The following EPS15L1 variants were observed in gnomAD, a reference collection of about 807,000 sequenced individuals.
The protein encoded by EPS15L1 is epidermal growth factor receptor pathway substrate 15 like 1.
In EPS15L1, 43 loss-of-function variants were observed where a neutral mutation model predicts 117.1. The observed-to-expected ratio is 0.37, with a 90% confidence interval of 0.29 to 0.47. EPS15L1 has a LOEUF of 0.47. Ranked by LOEUF, EPS15L1 falls within the 20% of genes least tolerant of loss-of-function variation. EPS15L1 has a pLI of 0.99. For missense variants in EPS15L1, 981 were observed against 1,164.0 expected (o/e 0.84, Z 2.29); for synonymous variants, 459 against 470.5 (o/e 0.98, Z 0.32).
intron 22 of EPS15L1, among the ~76,000 whole-genome samples, chr19:16,362,912 C>T (rs1181368346): frequency 6.6e-6 from 1 of 152,174 alleles, no homozygotes; most frequent in Admixed American, 6.5e-5. Context: ...CAGGGAACTC[C>T]AGGATGCCCG....
At chr19:16,430,906 C>A (rs536417595) in intron 7 of EPS15L1, among the ~76,000 whole-genome samples, 1 of 152,136 alleles carries the variant, frequency 6.6e-6, no homozygotes, top group Non-Finnish European at 1.5e-5. Context: ...CATAGGGATG[C>A]GGAGGGACAT....
chr19:16,414,943 C>G (rs1427525946), intron 12 of EPS15L1, among the ~76,000 whole-genome samples: 1 of 152,064 alleles, frequency 6.6e-6, no homozygotes, highest in Admixed American at 6.5e-5. Context: ...CTGGGCTCAA[C>G]CGATCCTCTT....
Position 16,374,733 on chromosome 19 carries a change from A to G in EPS15L1, c.2380+2389T>C, listed in dbSNP as rs375514446. On this transcript the variant is annotated intron_variant, in intron 22 of 23. Transcript: ENST00000455140. ...CTGTTGAGTGGGATGGCTCCTCCTC[A>G]GGGCCCAGCAAATACGGCACTGCTC... Among the ~76,000 whole-genome samples the G allele has an allele frequency of 3.6e-4, 55 of 152,192 alleles. 1 individual carries two copies. Among genetic ancestry groups the G allele is most frequent in the African/African-American group, 1.3e-3 (52 of 41,442 alleles).
chr19:16,427,053 C>T (rs2092879451), intron 8 of EPS15L1, among the ~76,000 whole-genome samples: 1 of 151,946 alleles, frequency 6.6e-6, no homozygotes, highest in African/African-American at 2.4e-5. Flanking sequence ...AGGAAAACTT[C>T]GTGCAGCAGT....
intron 9 of EPS15L1, among the ~76,000 whole-genome samples, chr19:16,424,722 G>A (rs536535622): frequency 1.7e-4 from 26 of 151,966 alleles, no homozygotes; most frequent in Middle Eastern, 6.8e-3. Context: ...GTGCAGTGGC[G>A]CGCTCTCAGC....
Position 16,404,461 on chromosome 19 carries a change from T to G in EPS15L1, c.1428+127A>C, listed in dbSNP as rs951748361. 7 of 1,076,244 alleles carry G rather than the reference T, an allele frequency of 6.5e-6. No homozygotes were observed. The highest frequency in any genetic ancestry group is 9.3e-6 in the Non-Finnish European group (7 of 751,312). 66.7% of individuals were successfully genotyped at this position (1,076,244 alleles called of 1,614,324 possible). A position where few individuals can be genotyped will look rare whatever the true frequency, so the allele number is the denominator to read the frequency against. On this transcript the variant is annotated intron_variant, in intron 14 of 23. Transcript: ENST00000455140. This position sits in a 1 kb window ranked among gnomAD's most constrained non-coding sequence, Gnocchi z 4.2. Reference sequence around the variant, plus strand: ...CTTGGACACTTTTCCACGTGGTGTTTGGAGGAACTCTATTGACCCAGTAGG... The same window carrying G: ...CTTGGACACTTTTCCACGTGGTGTTGGGAGGAACTCTATTGACCCAGTAGG...
At chr19:16,438,173 C>T (rs914672354) in intron 4 of EPS15L1, among the ~76,000 whole-genome samples, 7 of 151,944 alleles carry the variant, frequency 4.6e-5, no homozygotes, top group South Asian at 2.1e-4. Flanking sequence ...GCCAACATGG[C>T]GAAACCTCAT....
At chr19:16,409,947 A>T (rs1487190949) in intron 13 of EPS15L1, among the ~76,000 whole-genome samples, 1 of 150,568 alleles carries the variant, frequency 6.6e-6, no homozygotes, top group Non-Finnish European at 1.5e-5. Context: ...CAAAAAAAAA[A>T]AAAAAAAAAA....
chr19:16,369,246 A>G (rs1251733800), intron 22 of EPS15L1, among the ~76,000 whole-genome samples: 1 of 152,142 alleles, frequency 6.6e-6, no homozygotes, highest in East Asian at 1.9e-4. Flanking sequence ...AAGCTGTGTC[A>G]AGCAGCACAG....
At chr19:16,356,089 T>C (rs534975149) in intron 23 of EPS15L1, among the ~76,000 whole-genome samples, 1 of 152,322 alleles carries the variant, frequency 6.6e-6, no homozygotes, top group East Asian at 1.9e-4. Flanking sequence ...ACCTTAACCA[T>C]GACCTCTGGG....
In EPS15L1 at chr19:16,425,435, C is replaced by G; in HGVS notation, c.559-119G>C. On this transcript the variant is annotated intron_variant, in intron 8 of 23. Coordinates refer to ENST00000455140, the MANE Select transcript of EPS15L1 (RefSeq NM_001258374.3). ...ACAGGACACTCTGTCAGGACGCTCC[C>G]AAGCTGACCAGAGTGAAAAGAAATC... The G allele has an allele frequency of 2.2e-5, 15 of 690,140 alleles. No individual in the cohort carries two copies. The South Asian group carries it at 2.3e-4, about 10-fold the overall frequency. The allele number at this position is 690,140 out of a possible 1,614,324, so 42.8% of individuals were successfully genotyped here. A position where few individuals can be genotyped will look rare whatever the true frequency, so the allele number is the denominator to read the frequency against.
rs185098291 is a variant in EPS15L1 at position 16,370,239 on chromosome 19, C to A, written c.2380+6883G>T. 2.4e-3 allele frequency among the ~76,000 whole-genome samples: 358 copies of A among 152,246 alleles called. 1 individual carries two copies. In the Middle Eastern group the frequency reaches 0.027, roughly 12 times the overall value. On this transcript the variant is annotated intron_variant, in intron 22 of 23. Coordinates refer to ENST00000455140, the MANE Select transcript of EPS15L1 (RefSeq NM_001258374.3). The surrounding 1 kb of genome is among the most constrained non-coding windows in gnomAD (Gnocchi z 5.2). Reference sequence around the variant, plus strand: ...AGTGCATGTGATATTTTGCAGTTAGCAGTGGCAGGCAAGGGGCGCGCTGAC... The same window carrying A: ...AGTGCATGTGATATTTTGCAGTTAGAAGTGGCAGGCAAGGGGCGCGCTGAC...
At chr19:16,396,118 T>A (rs1303201380) in intron 16 of EPS15L1, among the ~76,000 whole-genome samples, 1 of 151,606 alleles carries the variant, frequency 6.6e-6, no homozygotes, top group Non-Finnish European at 1.5e-5. Context: ...AAAAAAAAAA[T>A]TAATTAAAGA....
At chr19:16,369,882 C>T (rs1379175163) in intron 22 of EPS15L1, among the ~76,000 whole-genome samples, 11 of 152,212 alleles carry the variant, frequency 7.2e-5, no homozygotes, top group Non-Finnish European at 8.8e-5. Flanking sequence ...TCAGCCCCAT[C>T]CTCTGGGGGG....
At chr19:16,395,539 C>A (rs2092530912) in intron 16 of EPS15L1, 72 bp from the exon 17 acceptor site, 3 of 1,466,966 alleles carry the variant, frequency 2.0e-6, no homozygotes, top group South Asian at 1.2e-5. Context: ...GAATTCCATA[C>A]TTAACTCACA....
intron 12 of EPS15L1, among the ~76,000 whole-genome samples, chr19:16,417,229 C>G (rs767997047): frequency 6.6e-6 from 1 of 150,950 alleles, no homozygotes; most frequent in African/African-American, 2.4e-5. Context: ...GCTCTGCCCA[C>G]GACCTGCCTG....
Position 16,442,203 on chromosome 19 carries a change from G to GA in EPS15L1, c.49dup (p.Ser17PhefsTer4). 1 of 1,613,456 alleles carries GA rather than the reference G, an allele frequency of 6.2e-7. No homozygotes were observed. Among genetic ancestry groups the GA allele is most frequent in the Non-Finnish European group, 8.5e-7 (1 of 1,179,444 alleles). On this transcript the variant is annotated frameshift_variant, in exon 2 of 24. Coordinates refer to ENST00000455140, the MANE Select transcript of EPS15L1 (RefSeq NM_001258374.3). LOFTEE classifies it high-confidence loss of function. ...CTGCTTGTAATAAGATTCATACAAC[G>GA]AATTTCCAGTGGGAATCTGTAAATG...
At chr19:16,412,102 TTTTA>T (rs1160814240) in intron 13 of EPS15L1, among the ~76,000 whole-genome samples, 2 of 152,176 alleles carry the variant, frequency 1.3e-5, no homozygotes, top group African/African-American at 4.8e-5. Flanking sequence ...TTGGATTATT[TTTTA>T]TTTTTTTATT....
intron 8 of EPS15L1, among the ~76,000 whole-genome samples, chr19:16,426,442 T>C (rs1457213632): frequency 6.6e-6 from 1 of 152,066 alleles, no homozygotes; most frequent in African/African-American, 2.4e-5. Context: ...AAGACCAGCC[T>C]GGCCAACAGG....
Sources: allele counts gnomAD v4.1 joint callset (sites outside exome capture counted in the v4.1 genomes callset), GRCh38; gene constraint gnomAD v4.1.1; non-coding constraint Gnocchi (gnomAD v3.1); transcripts MANE v1.5; gene names NCBI Gene and HGNC (gene_info 2026-07-23, HGNC 2026-07-21).